The following GRM8 variants were observed in gnomAD, a reference collection of about 807,000 sequenced individuals.
The protein encoded by GRM8 is metabotropic glutamate receptor 8.
A neutral mutation model predicts 87.2 loss-of-function variants in GRM8; 47 were observed. The observed-to-expected ratio is 0.54, with a 90% confidence interval of 0.43 to 0.69. The LOEUF is 0.69. GRM8 is among the 30% of genes least tolerant of loss of function. GRM8 has a pLI of 0.00. For synonymous variants in GRM8, 396 were observed against 404.5 expected (o/e 0.98, Z 0.25); for missense variants, 1,019 against 1,139.2 (o/e 0.89, Z 1.52).
intron 3 of GRM8, among the ~76,000 whole-genome samples, chr7:127,035,051 C>A (rs1161056847): frequency 1.3e-5 from 2 of 152,146 alleles, no homozygotes; most frequent in Non-Finnish European, 2.9e-5. Context: ...AGAACTTCAG[C>A]CTTCAAAAAG....
intron 3 of GRM8, among the ~76,000 whole-genome samples, chr7:126,949,525 T>C (rs1807908354): frequency 6.6e-6 from 1 of 152,228 alleles, no homozygotes; most frequent in African/African-American, 2.4e-5. Context: ...TTATTTTTCA[T>C]ATGGCAAAAG....
chr7:126,746,598 A>G (rs907267888), intron 7 of GRM8, among the ~76,000 whole-genome samples: 2 of 151,672 alleles, frequency 1.3e-5, no homozygotes, highest in African/African-American at 2.4e-5. Context: ...TCCCTCTAAG[A>G]ACATCAAATT....
intron 2 of GRM8, among the ~76,000 whole-genome samples, chr7:127,238,248 G>A (rs1798088898): frequency 6.6e-6 from 1 of 152,024 alleles, no homozygotes; most frequent in Non-Finnish European, 1.5e-5. Context: ...TTATATGAGT[G>A]AAGCAATCAC....
chr7:126,826,252 G>A (rs1794783469), intron 6 of GRM8, among the ~76,000 whole-genome samples: 1 of 151,928 alleles, frequency 6.6e-6, no homozygotes, highest in Admixed American at 6.6e-5. Context: ...GGGATGGCTG[G>A]GTCAAATGGT....
chr7:126,567,314 A>T (rs1794301946), intron 8 of GRM8, among the ~76,000 whole-genome samples: 1 of 151,934 alleles, frequency 6.6e-6, no homozygotes. Flanking sequence ...AGGACAAAAA[A>T]ACCAAACACC....
intron 3 of GRM8, among the ~76,000 whole-genome samples, chr7:127,037,612 C>T (rs755306672): frequency 1.3e-5 from 2 of 152,174 alleles, no homozygotes; most frequent in Non-Finnish European, 2.9e-5. Flanking sequence ...CTGCAAACCC[C>T]AAAGTTTTGC....
intron 2 of GRM8, among the ~76,000 whole-genome samples, chr7:127,236,628 G>A (rs992515512): frequency 9.9e-5 from 15 of 152,266 alleles, no homozygotes; most frequent in African/African-American, 3.4e-4. Context: ...TTTGACCTTT[G>A]GGGATTATAG....
intron 7 of GRM8, among the ~76,000 whole-genome samples, chr7:126,675,519 A>G (rs555358810): frequency 6.0e-4 from 91 of 152,338 alleles, no homozygotes; most frequent in African/African-American, 2.1e-3. Flanking sequence ...TAAATCCAAT[A>G]GCACATCATA....
chr7:127,188,993 C>T (rs1794882322), intron 2 of GRM8, among the ~76,000 whole-genome samples: 1 of 152,182 alleles, frequency 6.6e-6, no homozygotes, highest in African/African-American at 2.4e-5. Context: ...CCAGCTTCTT[C>T]TATTGTATCG....
intron 2 of GRM8, among the ~76,000 whole-genome samples, chr7:127,148,416 CA>C (rs149407214): frequency 0.076 from 10,544 of 139,248 alleles, 477 homozygotes; most frequent in South Asian, 0.14. Flanking sequence ...ATAGATGAAG[CA>C]AAAAAAAAAA....
intron 8 of GRM8, among the ~76,000 whole-genome samples, chr7:126,577,051 A>G (rs556729874): frequency 6.6e-6 from 1 of 152,300 alleles, no homozygotes; most frequent in African/African-American, 2.4e-5. Context: ...TTTCAGTGGG[A>G]AATTTTATCC....
At chr7:126,676,646 T>G (rs554646230) in intron 7 of GRM8, among the ~76,000 whole-genome samples, 10 of 152,264 alleles carry the variant, frequency 6.6e-5, no homozygotes, top group African/African-American at 2.4e-4. Flanking sequence ...ATTCAATAAA[T>G]GGTGCTGGGT....
intron 3 of GRM8, among the ~76,000 whole-genome samples, chr7:127,072,739 T>C (rs533609728): frequency 6.6e-6 from 1 of 152,124 alleles, no homozygotes; most frequent in South Asian, 2.1e-4. Context: ...GAGTGCTACC[T>C]AGAAACAGAG....
rs1242083293 is a variant in GRM8, at chr7:127,111,633, A to G, written c.511-4921T>C. Among the ~76,000 whole-genome samples the G allele has an allele frequency of 2.6e-5, 4 of 152,228 alleles. No homozygotes were observed. In the East Asian group the frequency reaches 7.7e-4, roughly 29 times the overall value. ...CCACACCCTAGTCCAAGCCACTGTG[A>G]TATCTGGATTCCTAAAGCCACTTGA... On this transcript the variant is annotated intron_variant, in intron 2 of 10. Transcript: ENST00000339582.
At chr7:126,989,008 T>C (rs1332338743) in intron 3 of GRM8, among the ~76,000 whole-genome samples, 1 of 152,226 alleles carries the variant, frequency 6.6e-6, no homozygotes, top group Non-Finnish European at 1.5e-5. Context: ...TGCATTAATA[T>C]ATGATTGTTT....
chr7:126,676,776 A>G lies in GRM8; in HGVS notation c.1358-67278T>C, dbSNP rs1410874729. On this transcript the variant is annotated intron_variant, in intron 7 of 10. Coordinates refer to ENST00000339582, the MANE Select transcript of GRM8 (RefSeq NM_000845.3). ...CACCTGAAACCAAAAAGCCTCTAGAAGAAAACCTAAGAAAAACTCTTCTGG... is the reference window on the plus strand; with the variant it reads ...CACCTGAAACCAAAAAGCCTCTAGAGGAAAACCTAAGAAAAACTCTTCTGG... 2.0e-5 allele frequency among the ~76,000 whole-genome samples: 3 copies of G among 152,356 alleles called. No individual in the cohort carries two copies. In the East Asian group the frequency reaches 5.8e-4, roughly 29 times the overall value.
chr7:127,143,961 CATAAGT>C (rs1343894825), intron 2 of GRM8, among the ~76,000 whole-genome samples: 15 of 152,144 alleles, frequency 9.9e-5, no homozygotes, highest in Middle Eastern at 6.8e-3. Flanking sequence ...TTTCAATACC[CATAAGT>C]AGAGTAGGAG....
At chr7:127,126,116 C>T (rs969742062) in intron 2 of GRM8, among the ~76,000 whole-genome samples, 3 of 151,988 alleles carry the variant, frequency 2.0e-5, no homozygotes, top group Non-Finnish European at 2.9e-5. Flanking sequence ...CCAACAATCC[C>T]ACTACCGGGT....
At chr7:126,775,485 T>G (rs1033527433) in intron 6 of GRM8, among the ~76,000 whole-genome samples, 2 of 58,522 alleles carry the variant, frequency 3.4e-5, no homozygotes, top group South Asian at 5.6e-4. Flanking sequence ...ATAGGTTTTT[T>G]TTTTTTTTTT....
Sources: gnomAD v4.1 joint callset for allele counts (sites outside exome capture counted in the v4.1 genomes callset) on GRCh38, gnomAD v4.1.1 for gene constraint, MANE v1.5 for transcripts, NCBI Gene and HGNC (gene_info 2026-07-23, HGNC 2026-07-21) for gene names.